Variants in RGSL1 observed in about 807,000 individuals in gnomAD.
RGSL1 encodes the protein regulator of G protein signaling protein-like.
In RGSL1, 97 loss-of-function variants were observed where a neutral mutation model predicts 124.7. The observed-to-expected ratio is 0.78, with a 90% CI of 0.66 to 0.92. The LOEUF (loss-of-function observed/expected upper bound fraction) is 0.92, where lower values mean the gene tolerates loss of function less well. Ranked by LOEUF, RGSL1 falls within the 40% of genes least tolerant of loss-of-function variation. The pLI, the probability that RGSL1 is intolerant of heterozygous loss-of-function variation, is 0.00. For synonymous variants in RGSL1, 424 were observed against 438.1 expected (o/e 0.97, Z 0.40); for missense variants, 1,233 against 1,288.4 (o/e 0.96, Z 0.66).
Position 182,556,151 on chromosome 1 carries a change from C to A in RGSL1, c.*94C>A. 8.1e-7 allele frequency: 1 copy of A among 1,241,768 alleles called. No individual in the cohort carries two copies. The highest frequency in any genetic ancestry group is 1.1e-6 in the Non-Finnish European group (1 of 885,254). The allele number at this position is 1,241,768 out of a possible 1,614,324, so 76.9% of individuals were successfully genotyped here. A position where few individuals can be genotyped will look rare whatever the true frequency, so the allele number is the denominator to read the frequency against. On this transcript the variant is annotated 3_prime_UTR_variant, in exon 21 of 22. Transcript: ENST00000294854. ...GGTCAAAAATGAAAGGTCCTGGTAC[C>A]ATCTTCCCCAGAAACGATCAAGAAG...
At chr1:182,531,559 T>C (rs2102272040) in intron 13 of RGSL1, among the ~76,000 whole-genome samples, 2 of 152,334 alleles carry the variant, frequency 1.3e-5, no homozygotes, top group South Asian at 4.1e-4. Context: ...GAGATCATTC[T>C]AAGATATCTC....
At chr1:182,523,902 G>A (rs2102244230) in intron 10 of RGSL1, among the ~76,000 whole-genome samples, 1 of 152,226 alleles carries the variant, frequency 6.6e-6, no homozygotes, top group East Asian at 1.9e-4. Flanking sequence ...TTTGAGTGAG[G>A]ATCAGGAAAA....
At position 182,548,325 on chromosome 1, in the gene RGSL1, A is replaced by G; in HGVS notation, c.2678A>G (p.Asp893Gly). ...YFFSEMEKFNDLVSSAHMLQV... is the reference protein window; with the variant it reads ...YFFSEMEKFNGLVSSAHMLQV... ...TCACATTTCTTTTTTAGATTTAATGATCTGGTCAGTTCAGCCCACATGCTG... is the reference window on the plus strand; with the variant it reads ...TCACATTTCTTTTTTAGATTTAATGGTCTGGTCAGTTCAGCCCACATGCTG... Residue 893 changes from aspartate (D) to glycine (G), a missense_variant, in exon 16 of 22, where the codon GAT becomes GGT. By Grantham distance (94) the Asp-to-Gly change is moderately conservative (BLOSUM62 -1). Transcript: ENST00000294854. 1 of 1,552,002 alleles carries G rather than the reference A, an allele frequency of 6.4e-7. No individual in the cohort carries two copies. Among genetic ancestry groups the G allele is most frequent in the Non-Finnish European group, 8.7e-7 (1 of 1,147,056 alleles).
chr1:182,463,836 G>A lies in RGSL1; in HGVS notation c.301+3703G>A, dbSNP rs922406007. On this transcript the variant is annotated intron_variant, in intron 4 of 21. Coordinates refer to ENST00000294854, the MANE Select transcript of RGSL1 (RefSeq NM_001137669.2). ...GACAGAAGATAGGTTAGGAAATAGAGACTTCAACAATACATTAAACTAGCT... is the reference window on the plus strand; with the variant it reads ...GACAGAAGATAGGTTAGGAAATAGAAACTTCAACAATACATTAAACTAGCT... Among the ~76,000 whole-genome samples, 4 of 152,138 alleles carry A rather than the reference G, an allele frequency of 2.6e-5. No homozygotes were observed. In the East Asian group the frequency reaches 5.8e-4, roughly 22 times the overall value.
chr1:182,465,496 A>G (rs1348836166), intron 4 of RGSL1, among the ~76,000 whole-genome samples: 3 of 151,910 alleles, frequency 2.0e-5, no homozygotes, highest in Non-Finnish European at 2.9e-5. Flanking sequence ...TAGCATTAGG[A>G]GATATACCTA....
At chr1:182,458,478 T>A in intron 3 of RGSL1, 85 bp downstream of exon 3, 1 of 1,244,352 alleles carries the variant, frequency 8.0e-7, no homozygotes, top group Non-Finnish European at 1.1e-6. Flanking sequence ...TTGTTTTTGT[T>A]TTTGTTTTGG....
At chr1:182,533,355 A>T (rs1296315007) in intron 14 of RGSL1, among the ~76,000 whole-genome samples, 1 of 148,768 alleles carries the variant, frequency 6.7e-6, no homozygotes, top group Admixed American at 6.8e-5. Flanking sequence ...GTCAGTACAC[A>T]TATATCTGCC....
At chr1:182,551,577 A>G (rs979197891) in intron 18 of RGSL1, among the ~76,000 whole-genome samples, 3 of 152,242 alleles carry the variant, frequency 2.0e-5, no homozygotes, top group Admixed American at 2.0e-4. Flanking sequence ...GCGTTAAGTG[A>G]CAACATTAAA....
At chr1:182,457,503 C>T (rs1295433512) in intron 2 of RGSL1, among the ~76,000 whole-genome samples, 1 of 152,170 alleles carries the variant, frequency 6.6e-6, no homozygotes, top group Non-Finnish European at 1.5e-5. Flanking sequence ...TCCTTCAGCA[C>T]CTCACAGCCA....
chr1:182,519,371 G>A (rs187662869), intron 9 of RGSL1, among the ~76,000 whole-genome samples: 211 of 152,248 alleles, frequency 1.4e-3, no homozygotes, highest in Non-Finnish European at 2.7e-3. Flanking sequence ...TCTTCTTGGA[G>A]TTGTTTTCTA....
intron 9 of RGSL1, among the ~76,000 whole-genome samples, chr1:182,521,176 C>T (rs911771405): frequency 6.6e-6 from 1 of 152,158 alleles, no homozygotes; most frequent in Admixed American, 6.5e-5. Flanking sequence ...CTCAACTGAT[C>T]TTCTTGCCTC....
chr1:182,497,750 C>T (rs181220730), intron 9 of RGSL1, among the ~76,000 whole-genome samples: 15 of 152,246 alleles, frequency 9.9e-5, no homozygotes, highest in Admixed American at 9.8e-4. Flanking sequence ...TCTATTTTTA[C>T]AGAGGTCCCT....
At chr1:182,546,634 G>A (rs1376409675) in intron 15 of RGSL1, among the ~76,000 whole-genome samples, 3 of 152,064 alleles carry the variant, frequency 2.0e-5, no homozygotes, top group Non-Finnish European at 2.9e-5. Flanking sequence ...CATCATGATC[G>A]CCTGCCTCAG....
At chr1:182,519,877 T>A (rs1465985786) in intron 9 of RGSL1, among the ~76,000 whole-genome samples, 1 of 152,106 alleles carries the variant, frequency 6.6e-6, no homozygotes, top group African/African-American at 2.4e-5. Flanking sequence ...TTCTTACTTA[T>A]AATCATTAAA....
intron 9 of RGSL1, among the ~76,000 whole-genome samples, chr1:182,513,671 T>C (rs1657643232): frequency 6.6e-6 from 1 of 152,186 alleles, no homozygotes; most frequent in Non-Finnish European, 1.5e-5. Context: ...CCTATCTCTA[T>C]TGTAAAAGAC....
chr1:182,483,309 G>A (rs1571539164), intron 6 of RGSL1, among the ~76,000 whole-genome samples: 4 of 152,150 alleles, frequency 2.6e-5, no homozygotes, highest in African/African-American at 9.6e-5. Context: ...GAAACTTTTG[G>A]AGGACAGGTT....
chr1:182,464,916 G>A (rs79281844), intron 4 of RGSL1, among the ~76,000 whole-genome samples: 10,532 of 151,774 alleles, frequency 0.069, 439 homozygotes, highest in South Asian at 0.18. Flanking sequence ...ATGAGACCCA[G>A]TATTCACAAA....
In RGSL1 at chr1:182,530,297, C is replaced by T. The variant is rs1474634752; in HGVS notation, c.2179C>T (p.His727Tyr). 6.4e-7 allele frequency: 1 copy of T among 1,551,096 alleles called. No homozygotes were observed. Among genetic ancestry groups the T allele is most frequent in the South Asian group, 1.2e-5 (1 of 84,022 alleles). ...PIIKEIASMR[H>Y]VTTSTLLTLQ... ...TATCAAAGAAATCGCTTCCATGCGT[C>T]ATGTCACCACAAGCACACTGTTAAC... is the stretch of plus-strand genomic sequence containing the variant. The change falls in exon 12 of 22, where the codon CAT becomes TAT. Residue 727 changes from histidine (H) to tyrosine (Y), a missense_variant. His to Tyr is a moderately conservative substitution (Grantham distance 83, BLOSUM62 2). Transcript: ENST00000294854.
rs1264943056 is a variant in RGSL1, at chr1:182,526,055, G to T, written c.1932-1524G>T. Among the ~76,000 whole-genome samples the T allele has an allele frequency of 2.0e-5, 3 of 152,016 alleles. No homozygotes were observed. In the East Asian group the frequency reaches 5.8e-4, roughly 29 times the overall value. ...TGTTTCAAGGAAAAGTAGAAAATGT[G>T]AATAAATCTATAATAAGAAAAAAAT... On this transcript the variant is annotated intron_variant, in intron 10 of 21. Transcript: ENST00000294854.
Sources: allele counts gnomAD v4.1 joint callset (sites outside exome capture counted in the v4.1 genomes callset), GRCh38; gene constraint gnomAD v4.1.1; transcripts MANE v1.5; gene names NCBI Gene and HGNC (gene_info 2026-07-23, HGNC 2026-07-21).